The following CNTN2 variants were observed in gnomAD, a reference collection of about 807,000 sequenced individuals.
CNTN2 encodes the protein contactin 2.
In CNTN2, 53 loss-of-function variants were observed where a neutral mutation model predicts 117.5. That is an observed-to-expected ratio of 0.45 (90% CI 0.36 to 0.57). The LOEUF (loss-of-function observed/expected upper bound fraction) is 0.57. Among genes scored for constraint, CNTN2 ranks in the 20% least tolerant of loss-of-function variants. The probability of loss-of-function intolerance (pLI) is 0.00; values close to 1 mark genes in which losing one functional copy is unlikely to be tolerated. For synonymous variants in CNTN2, 530 were observed against 561.7 expected, an observed-to-expected ratio of 0.94 and a Z score of 0.80; for missense variants, 1,106 against 1,404.3, an observed-to-expected ratio of 0.79 and a Z score of 3.39.
At chr1:205,055,334 C>T (rs761675607) in intron 2 of CNTN2, among the ~76,000 whole-genome samples, 1 of 152,078 alleles carries the variant, frequency 6.6e-6, no homozygotes, top group Non-Finnish European at 1.5e-5. Context: ...AGCACACACA[C>T]GGGGAGGCTC....
In CNTN2 at chr1:205,058,804, T is replaced by C. The variant is rs1012676693; in HGVS notation, c.487+141T>C. 5.8e-6 allele frequency: 4 copies of C among 694,108 alleles called. No homozygotes were observed. The highest frequency in any genetic ancestry group is 3.6e-5 in the African/African-American group (2 of 55,478). 43.0% of individuals were successfully genotyped at this position (694,108 alleles called of 1,614,324 possible). ...TCCCTGGGACCCTAACTTTAAATGATCTGTGTTTCCTTTATAGGTCTGTCA... is the reference window on the plus strand; with the variant it reads ...TCCCTGGGACCCTAACTTTAAATGACCTGTGTTTCCTTTATAGGTCTGTCA... On this transcript the variant is annotated intron_variant, in intron 5 of 22. Coordinates refer to ENST00000331830, the MANE Select transcript of CNTN2 (RefSeq NM_005076.5). This position sits in a 1 kb window ranked among gnomAD's most constrained non-coding sequence, Gnocchi z 4.3.
intron 1 of CNTN2, among the ~76,000 whole-genome samples, chr1:205,052,383 C>T (rs1407588008): frequency 6.6e-6 from 1 of 152,256 alleles, no homozygotes; most frequent in Admixed American, 6.5e-5. Flanking sequence ...CTACAGGGAA[C>T]AGGTTCTTCT....
rs1654873616 is a variant in CNTN2, at chr1:205,076,537, C to CAA, written c.*2773_*2774dup. 1 of 152,202 alleles carries CAA rather than the reference C, an allele frequency of 6.6e-6. No homozygotes were observed. The highest frequency in any genetic ancestry group is 1.5e-5 in the Non-Finnish European group (1 of 68,058). 9.4% of individuals were successfully genotyped at this position (152,202 alleles called of 1,614,324 possible). On this transcript the variant is annotated 3_prime_UTR_variant, in exon 23 of 23. Transcript: ENST00000331830. The stretch of plus-strand genomic sequence containing the variant: ...TTCTGGGTTATCTCCTCTCATACAT[C>CAA]AAGCCCCAGAGGAGGCGGCAAGAGG...
chr1:205,061,065 G>A lies in CNTN2; in HGVS notation c.798-180G>A. ...CCTGCCTCTTGCCCCTTCCCTGCGT[G>A]TGCTCCGAGCCTACCTGGGAGAGGA... On this transcript the variant is annotated intron_variant, in intron 7 of 22. Coordinates refer to ENST00000331830, the MANE Select transcript of CNTN2 (RefSeq NM_005076.5). The surrounding 1 kb of genome is among the most constrained non-coding windows in gnomAD (Gnocchi z 4.8). The A allele has an allele frequency of 1.6e-6, 1 of 642,678 alleles. No individual in the cohort carries two copies. Among genetic ancestry groups the A allele is most frequent in the Non-Finnish European group, 2.6e-6 (1 of 385,198 alleles). 39.8% of individuals were successfully genotyped at this position (642,678 alleles called of 1,614,324 possible). A position where few individuals can be genotyped will look rare whatever the true frequency, so the allele number is the denominator to read the frequency against.
rs200105942 is a variant in CNTN2, at chr1:205,065,112, C to G, written c.1545C>G (p.Pro515=). The G allele has an allele frequency of 7.4e-6, 12 of 1,613,996 alleles. No individual in the cohort carries two copies. Among genetic ancestry groups the G allele is most frequent in the Non-Finnish European group, 1.0e-5 (12 of 1,180,024 alleles). ...ATGCAACCAAAATCACTCTAGCCCC[C>G]TCAAGTGCCGACATCAACTTGGGTG... ...VRDATKITLA[P]SSADINLGDN... Residue 515 remains proline, a synonymous_variant, in exon 13 of 23, where the codon CCC becomes CCG. Coordinates refer to ENST00000331830, the MANE Select transcript of CNTN2 (RefSeq NM_005076.5). The surrounding 1 kb of genome is among the most constrained non-coding windows in gnomAD (Gnocchi z 4.1).
rs1279325074 is a variant in CNTN2 at position 205,070,499 on chromosome 1, C to T, written c.2505C>T (p.Pro835=). Residue 835 remains proline, a synonymous_variant, in exon 19 of 23, where the codon CCC becomes CCT. Transcript: ENST00000331830. The part of the protein sequence containing the change: ...SSSEMNVTWE[P]VQQDMNGILL... ...CAGAGATGAACGTGACCTGGGAACC[C>T]GTGCAGCAGGACATGAATGGTATCC... 8.7e-6 allele frequency: 14 copies of T among 1,613,806 alleles called. No homozygotes were observed. The highest frequency in any genetic ancestry group is 2.2e-5 in the East Asian group (1 of 44,866).
intron 2 of CNTN2, among the ~76,000 whole-genome samples, chr1:205,054,979 G>A (rs530235457): frequency 6.7e-4 from 102 of 152,202 alleles, no homozygotes; most frequent in African/African-American, 2.3e-3. Context: ...CCTCGCCTGG[G>A]AGAGTGTGTT....
In CNTN2 at chr1:205,065,243, A is replaced by G. The variant is rs747131553; in HGVS notation, c.1676A>G (p.His559Arg). Reference protein sequence around the residue: ...FPIDFDKPGGHYRRTNVKETI... With the variant: ...FPIDFDKPGGRYRRTNVKETI... ...ATCGACTTTGATAAGCCTGGAGGGC[A>G]CTACCGGAGAACTAATGTGGTGAGA... Residue 559 changes from histidine (H) to arginine (R), a missense_variant, in exon 13 of 23, where the codon CAC becomes CGC. His to Arg is a conservative substitution (Grantham distance 29, BLOSUM62 0). Transcript: ENST00000331830. This position sits in a 1 kb window ranked among gnomAD's most constrained non-coding sequence, Gnocchi z 4.1. 35 of 1,614,018 alleles carry G rather than the reference A, an allele frequency of 2.2e-5. No homozygotes were observed. Among genetic ancestry groups the G allele is most frequent in the Admixed American group, 1.7e-4 (10 of 60,000 alleles).
chr1:205,070,772 G>A (rs1202032778), intron 19 of CNTN2: 1 of 320,298 alleles, frequency 3.1e-6, no homozygotes, highest in East Asian at 7.1e-5. Context: ...TGAGGCGGTA[G>A]ATCTCCTGAG....
intron 1 of CNTN2, among the ~76,000 whole-genome samples, chr1:205,045,461 G>A (rs2096439945): frequency 6.6e-6 from 1 of 152,120 alleles, no homozygotes; most frequent in Admixed American, 6.5e-5. Flanking sequence ...TTACTCCTTA[G>A]GAGCATGTAC....
At chr1:205,066,140 G>T in intron 14 of CNTN2, 1 of 628,428 alleles carries the variant, frequency 1.6e-6, no homozygotes. Context: ...CACATCCCAA[G>T]ACAGGAGTGC....
Position 205,061,256 on chromosome 1 carries a change from G to A in CNTN2, c.809G>A (p.Arg270Gln), listed in dbSNP as rs750581892. ...GTCTCTCCTGCCAGCCCTGTCCCCC[G>A]GATCAAGTGGCGCAAAGTGGACGGC... ...ECFAFGNPVP[R>Q]IKWRKVDGSL... The change falls in exon 8 of 23, where the codon CGG becomes CAG. Residue 270 changes from arginine to glutamine, a missense_variant. Coordinates refer to ENST00000331830, the MANE Select transcript of CNTN2 (RefSeq NM_005076.5). The surrounding 1 kb of genome is among the most constrained non-coding windows in gnomAD (Gnocchi z 4.8). 20 of 1,609,746 alleles carry A rather than the reference G, an allele frequency of 1.2e-5. No individual in the cohort carries two copies. The highest frequency in any genetic ancestry group is 1.2e-4 in the Admixed American group (7 of 59,838).
intron 2 of CNTN2, 79 bp from the exon 3 acceptor site, chr1:205,057,842 T>C (rs1558540786): frequency 2.0e-6 from 3 of 1,516,546 alleles, no homozygotes; most frequent in Non-Finnish European, 2.7e-6. Flanking sequence ...GAGAAAGTTT[T>C]ACTGGACAGC....
At chr1:205,066,789 G>A (rs1265457965) in intron 15 of CNTN2, among the ~76,000 whole-genome samples, 190 bp downstream of exon 15, 1 of 152,200 alleles carries the variant, frequency 6.6e-6, no homozygotes, top group African/African-American at 2.4e-5. Flanking sequence ...CAGAAAGTAG[G>A]AGAGTCGGGA....
chr1:205,071,029 C>A (rs1292048870), intron 19 of CNTN2, among the ~76,000 whole-genome samples: 1 of 150,948 alleles, frequency 6.6e-6, no homozygotes, highest in Non-Finnish European at 1.5e-5. Context: ...ATGGCTTATG[C>A]CCATTGGGGA....
rs1176317811 is a variant in CNTN2 at position 205,074,088 on chromosome 1, A to G, written c.*323A>G. ...AGGGGGTTTTAAAAACATGTCTTCA[A>G]CTCAGCAGAGATGGCCCTCTGGGAC... On this transcript the variant is annotated 3_prime_UTR_variant, in exon 23 of 23. Transcript: ENST00000331830. 7.1e-6 allele frequency: 4 copies of G among 564,010 alleles called. No homozygotes were observed. The highest frequency in any genetic ancestry group is 1.3e-5 in the Non-Finnish European group (4 of 318,500). The allele number at this position is 564,010 out of a possible 1,614,324, so 34.9% of individuals were successfully genotyped here. A position where few individuals can be genotyped will look rare whatever the true frequency, so the allele number is the denominator to read the frequency against.
chr1:205,050,372 G>GT (rs2096450538), intron 1 of CNTN2, among the ~76,000 whole-genome samples: 1 of 151,176 alleles, frequency 6.6e-6, no homozygotes, highest in Admixed American at 6.6e-5. Flanking sequence ...CGGAAGACCT[G>GT]TCAACCCTAT....
intron 1 of CNTN2, among the ~76,000 whole-genome samples, chr1:205,052,494 G>T (rs1032574170): frequency 6.6e-6 from 1 of 152,206 alleles, no homozygotes; most frequent in Non-Finnish European, 1.5e-5. Context: ...AGCCTGCTGG[G>T]CCCCTTCACC....
In CNTN2 at chr1:205,073,056, T is replaced by C. The variant is rs74139115; in HGVS notation, c.2845-12T>C. 4.4e-4 allele frequency: 705 copies of C among 1,613,722 alleles called. 1 individual carries two copies. The African/African-American group carries it at 8.4e-3, about 19-fold the overall frequency. On this transcript the variant is annotated splice_polypyrimidine_tract_variant and intron_variant, in intron 21 of 22. Coordinates refer to ENST00000331830, the MANE Select transcript of CNTN2 (RefSeq NM_005076.5). The surrounding 1 kb of genome is among the most constrained non-coding windows in gnomAD (Gnocchi z 6.3). The stretch of plus-strand genomic sequence containing the variant: ...TGTCAGGAAACTCCACCTGGAAACC[T>C]CCTTCCCACAGATGCTGTACCAGAA...
Sources: allele counts gnomAD v4.1 joint callset (sites outside exome capture counted in the v4.1 genomes callset), GRCh38; gene constraint gnomAD v4.1.1; non-coding constraint Gnocchi (gnomAD v3.1); transcripts MANE v1.5; gene names NCBI Gene and HGNC (gene_info 2026-07-23, HGNC 2026-07-21).